OXR1: variants seen among roughly 807,000 people sequenced by gnomAD.
OXR1 encodes oxidation resistance protein 1.
OXR1 carries 41 observed loss-of-function variants against 104.6 expected under a neutral mutation model. The ratio of observed to expected loss-of-function variants is 0.39; its 90% CI spans 0.31 to 0.51. The LOEUF is 0.51. Among genes scored for constraint, OXR1 ranks in the 20% least tolerant of loss-of-function variants. OXR1 has a pLI of 0.77. For missense variants in OXR1, 955 were observed against 1,031.9 expected (o/e 0.93, Z 1.02); for synonymous variants, 348 against 348.4 (o/e 1.00, Z 0.01).
At chr8:106,503,108 T>C (rs2129964451) in intron 2 of OXR1, among the ~76,000 whole-genome samples, 1 of 152,120 alleles carries the variant, frequency 6.6e-6, no homozygotes, top group Admixed American at 6.5e-5. Context: ...TACTCAATAA[T>C]CCTTCAATGA....
chr8:106,472,198 TAGG>T (rs1000252726), intron 2 of OXR1, among the ~76,000 whole-genome samples: 1 of 151,948 alleles, frequency 6.6e-6, no homozygotes, highest in African/African-American at 2.4e-5. Context: ...TCAGGATATG[TAGG>T]AGAATACTCT....
At chr8:106,702,636 T>A (rs1440277917) in intron 7 of OXR1, among the ~76,000 whole-genome samples, 2 of 152,186 alleles carry the variant, frequency 1.3e-5, no homozygotes, top group Admixed American at 6.5e-5. Context: ...CTTTCTGATA[T>A]GAGGTAACTC....
chr8:106,336,381 G>T (rs1041675665), intron 1 of OXR1, among the ~76,000 whole-genome samples: 1 of 152,160 alleles, frequency 6.6e-6, no homozygotes, highest in Non-Finnish European at 1.5e-5. Context: ...TCAGAGACTT[G>T]ATTGTGTTCC....
intron 2 of OXR1, among the ~76,000 whole-genome samples, chr8:106,444,022 A>C (rs1819903150): frequency 6.6e-6 from 1 of 152,164 alleles, no homozygotes; most frequent in African/African-American, 2.4e-5. Context: ...CTCCATCAAA[A>C]CTGGATAAAG....
At chr8:106,462,811 A>G (rs1586672415) in intron 2 of OXR1, among the ~76,000 whole-genome samples, 1 of 152,094 alleles carries the variant, frequency 6.6e-6, no homozygotes, top group East Asian at 1.9e-4. Flanking sequence ...TCAAGAGAAC[A>G]AATAATGATC....
chr8:106,618,052 C>CT (rs1034880295), intron 3 of OXR1: 13 of 1,530,778 alleles, frequency 8.5e-6, no homozygotes, highest in Admixed American at 2.0e-5. Context: ...GGCACTCTGG[C>CT]AGAAAGGAAA....
rs778908181 is a variant in OXR1 at position 106,703,028 on chromosome 8, G to A, written c.798G>A (p.Glu266=). The A allele has an allele frequency of 1.2e-6, 2 of 1,613,740 alleles. No homozygotes were observed. Among genetic ancestry groups the A allele is most frequent in the Non-Finnish European group, 8.5e-7 (1 of 1,179,746 alleles). ...ATGGCATCATGTGTCCAATGGAAGA[G>A]GTGATGTCAGCTGCAATGTACAAAG... ...EEYGIMCPME[E]VMSAAMYKEI... is the part of the protein sequence containing the mutation. The change falls in exon 8 of 17, where the codon GAG becomes GAA. Residue 266 remains glutamate (E), a synonymous_variant. Transcript: ENST00000517566.
intron 2 of OXR1, among the ~76,000 whole-genome samples, chr8:106,461,761 A>T (rs780025368): frequency 8.5e-5 from 13 of 152,294 alleles, no homozygotes; most frequent in Non-Finnish European, 1.5e-4. Flanking sequence ...GGAACAGATA[A>T]TATGCGCAGT....
At chr8:106,499,275 G>A (rs1811620985) in intron 2 of OXR1, among the ~76,000 whole-genome samples, 1 of 151,946 alleles carries the variant, frequency 6.6e-6, no homozygotes, top group African/African-American at 2.4e-5. Flanking sequence ...CAGAATGACT[G>A]CTAAATTACT....
intron 1 of OXR1, among the ~76,000 whole-genome samples, chr8:106,294,409 A>G (rs1452922452): frequency 6.7e-6 from 1 of 148,904 alleles, no homozygotes. Context: ...AAAAAAAAAA[A>G]AAAAAAGAAA....
At chr8:106,599,048 A>G (rs960680181) in intron 3 of OXR1, among the ~76,000 whole-genome samples, 1 of 152,202 alleles carries the variant, frequency 6.6e-6, no homozygotes, top group Admixed American at 6.5e-5. Flanking sequence ...AACACATGAG[A>G]AAGAGGGGAC....
At chr8:106,694,630 TA>T (rs1829692926) in intron 7 of OXR1, among the ~76,000 whole-genome samples, 3 of 109,966 alleles carry the variant, frequency 2.7e-5, no homozygotes, top group Admixed American at 1.1e-4. Context: ...ATTTGATATA[TA>T]AATATATGTT....
chr8:106,287,389 G>T (rs192545896), intron 1 of OXR1, among the ~76,000 whole-genome samples: 2 of 152,058 alleles, frequency 1.3e-5, no homozygotes, highest in South Asian at 2.1e-4. Context: ...ATAGAACAAG[G>T]TTACTAAGCT....
chr8:106,623,022 G>A (rs1363430594), intron 3 of OXR1, among the ~76,000 whole-genome samples: 3 of 152,104 alleles, frequency 2.0e-5, no homozygotes, highest in Non-Finnish European at 4.4e-5. Context: ...CTTATTCAAA[G>A]TCAAACAAGC....
chr8:106,502,753 AAAG>A (rs1451282570), intron 2 of OXR1, among the ~76,000 whole-genome samples: 29 of 152,228 alleles, frequency 1.9e-4, no homozygotes, highest in African/African-American at 2.9e-4. Flanking sequence ...TCTTGGCAGA[AAAG>A]AAGAAGTCCT....
intron 2 of OXR1, among the ~76,000 whole-genome samples, chr8:106,496,177 C>T (rs964326801): frequency 4.3e-4 from 65 of 152,090 alleles, no homozygotes; most frequent in African/African-American, 1.5e-3. Context: ...CAGTGGTTCT[C>T]AAAGTCTAAT....
chr8:106,436,090 G>T (rs1185710047), intron 2 of OXR1, among the ~76,000 whole-genome samples: 2 of 150,446 alleles, frequency 1.3e-5, no homozygotes, highest in Admixed American at 6.6e-5. Flanking sequence ...AACAAAAACA[G>T]ATACTGTTTA....
Position 106,683,314 on chromosome 8 carries a change from CT to C in OXR1, c.411+16del, listed in dbSNP as rs747925620. 206 of 1,340,484 alleles carry C rather than the reference CT, an allele frequency of 1.5e-4. No homozygotes were observed. Among genetic ancestry groups the C allele is most frequent in the Non-Finnish European group, 1.9e-4 (179 of 934,634 alleles). The allele number at this position is 1,340,484 out of a possible 1,614,324, so 83.0% of individuals were successfully genotyped here. ...GCAGTTGTTACTGGACAGGTAGTAT[CT>C]TTTTTTTAATGTGCTGATGTTTAGA... On this transcript the variant is annotated intron_variant, in intron 5 of 16. Transcript: ENST00000517566.
chr8:106,672,108 C>T (rs938682052), intron 3 of OXR1, among the ~76,000 whole-genome samples: 2 of 151,056 alleles, frequency 1.3e-5, no homozygotes, highest in South Asian at 2.1e-4. Flanking sequence ...GGGGAAAAAC[C>T]GGAGTTAATA....
Sources: allele counts gnomAD v4.1 joint callset (sites outside exome capture counted in the v4.1 genomes callset), GRCh38; gene constraint gnomAD v4.1.1; transcripts MANE v1.5; gene names NCBI Gene and HGNC (gene_info 2026-07-23, HGNC 2026-07-21).